LRMDA: variants seen among roughly 807,000 people sequenced by gnomAD.
LRMDA encodes the protein leucine-rich melanocyte differentiation-associated protein.
LRMDA carries 18 observed loss-of-function variants against 29.8 expected under a neutral mutation model. That is an observed-to-expected ratio of 0.60 (90% CI 0.42 to 0.90). The LOEUF (loss-of-function observed/expected upper bound fraction) is 0.90. Ranked by LOEUF, LRMDA falls within the 40% of genes least tolerant of loss-of-function variation. The pLI is 0.00. For synonymous variants in LRMDA, 125 were observed against 109.4 expected (o/e 1.14, Z -0.89); for missense variants, 273 against 273.9 (o/e 1.00, Z 0.02).
At chr10:75,662,749 C>T (rs1253403771) in intron 2 of LRMDA, among the ~76,000 whole-genome samples, 1 of 152,152 alleles carries the variant, frequency 6.6e-6, no homozygotes, top group Admixed American at 6.5e-5. Flanking sequence ...TCTGTCTTGT[C>T]TTTGGTGAGG....
At chr10:75,499,562 A>G (rs1845088539) in intron 2 of LRMDA, among the ~76,000 whole-genome samples, 1 of 152,236 alleles carries the variant, frequency 6.6e-6, no homozygotes, top group South Asian at 2.1e-4. Context: ...AGTGCTTAGC[A>G]TAGTGCCTGG....
At chr10:76,265,204 T>C (rs187636049) in intron 5 of LRMDA, among the ~76,000 whole-genome samples, 8 of 152,282 alleles carry the variant, frequency 5.3e-5, no homozygotes, top group Non-Finnish European at 1.2e-4. Context: ...TCCTCCTCCT[T>C]TAGCTGTTCT....
At chr10:76,396,196 T>G (rs1240547815) in intron 6 of LRMDA, among the ~76,000 whole-genome samples, 1 of 152,126 alleles carries the variant, frequency 6.6e-6, no homozygotes, top group Non-Finnish European at 1.5e-5. Flanking sequence ...AACTAGAAAC[T>G]AGAAACGCTA....
rs539880061 is a variant in LRMDA, at chr10:76,327,699, C to T, written c.601+3214C>T. On this transcript the variant is annotated intron_variant, in intron 6 of 6. Transcript: ENST00000611255. ...AGGGTGAGTATCTTAGTCACCTCTGCGAGGTAACTTGATTGCATGTGAGAA... is the reference window on the plus strand; with the variant it reads ...AGGGTGAGTATCTTAGTCACCTCTGTGAGGTAACTTGATTGCATGTGAGAA... Among the ~76,000 whole-genome samples, 17 of 152,234 alleles carry T rather than the reference C, an allele frequency of 1.1e-4. No individual in the cohort carries two copies. The South Asian group carries it at 3.5e-3, about 32-fold the overall frequency.
intron 5 of LRMDA, among the ~76,000 whole-genome samples, chr10:76,091,941 C>A (rs181848359): frequency 2.6e-5 from 4 of 152,264 alleles, no homozygotes; most frequent in East Asian, 1.9e-4. Flanking sequence ...GGTGCCTTGG[C>A]CTTTCAAAGT....
intron 5 of LRMDA, among the ~76,000 whole-genome samples, chr10:76,315,908 C>A (rs1006478471): frequency 6.6e-6 from 1 of 152,170 alleles, no homozygotes; most frequent in Admixed American, 6.5e-5. Flanking sequence ...ACCCTCCCCA[C>A]TCCAATGACC....
chr10:75,957,540 T>G (rs1846685048), intron 2 of LRMDA, among the ~76,000 whole-genome samples: 1 of 152,216 alleles, frequency 6.6e-6, no homozygotes, highest in Non-Finnish European at 1.5e-5. Flanking sequence ...AACGGGCCTA[T>G]GAGGAACTGA....
chr10:76,510,140 G>T (rs1252201834), intron 6 of LRMDA, among the ~76,000 whole-genome samples: 6 of 151,966 alleles, frequency 3.9e-5, no homozygotes, highest in Non-Finnish European at 8.8e-5. Flanking sequence ...GCACGATCTC[G>T]GCTCACTGCA....
At chr10:76,378,982 G>T (rs140718539) in intron 6 of LRMDA, among the ~76,000 whole-genome samples, 2 of 149,146 alleles carry the variant, frequency 1.3e-5, no homozygotes, top group Admixed American at 6.7e-5. Context: ...TCAGTCTCCC[G>T]GGTAGCTGGT....
intron 5 of LRMDA, among the ~76,000 whole-genome samples, chr10:76,211,358 A>G (rs962984969): frequency 1.6e-4 from 25 of 152,174 alleles, no homozygotes; most frequent in African/African-American, 5.8e-4. Context: ...CTTATTGACT[A>G]GATAATCAAT....
intron 6 of LRMDA, among the ~76,000 whole-genome samples, chr10:76,516,941 A>G (rs1055622198): frequency 2.0e-5 from 3 of 152,212 alleles, no homozygotes; most frequent in African/African-American, 7.2e-5. Flanking sequence ...TAAAACTTTC[A>G]GTATAAAAAT....
At chr10:75,759,630 A>G (rs1589190605) in intron 2 of LRMDA, among the ~76,000 whole-genome samples, 1 of 152,326 alleles carries the variant, frequency 6.6e-6, no homozygotes, top group African/African-American at 2.4e-5. Context: ...GAACATAGCT[A>G]TTACAGTAAT....
intron 6 of LRMDA, among the ~76,000 whole-genome samples, chr10:76,399,714 G>GT (rs1841827891): frequency 1.3e-5 from 2 of 152,142 alleles, no homozygotes; most frequent in Non-Finnish European, 2.9e-5. Flanking sequence ...TGTAGTTCCA[G>GT]TTACTAGAGT....
intron 2 of LRMDA, among the ~76,000 whole-genome samples, chr10:75,598,430 T>G (rs945520889): frequency 6.6e-6 from 1 of 152,142 alleles, no homozygotes; most frequent in Non-Finnish European, 1.5e-5. Flanking sequence ...TACCTCTCTT[T>G]TAAGACAGAA....
At chr10:75,560,080 G>A (rs1840270981) in intron 2 of LRMDA, among the ~76,000 whole-genome samples, 2 of 151,530 alleles carry the variant, frequency 1.3e-5, no homozygotes, top group Non-Finnish European at 2.9e-5. Flanking sequence ...AAAGTCATTG[G>A]TAGCTTTATG....
chr10:75,804,233 A>C (rs1843808362), intron 2 of LRMDA, among the ~76,000 whole-genome samples: 1 of 152,186 alleles, frequency 6.6e-6, no homozygotes, highest in Non-Finnish European at 1.5e-5. Context: ...GAGTTCTCCT[A>C]TTGACATGCC....
chr10:75,674,066 G>A lies in LRMDA; in HGVS notation c.131+235572G>A, dbSNP rs1272598404. ...CAACTGGCTTGTATTCCAGCTTGCT[G>A]TCTTTGAGAAAATATATGGAATGTT... is the stretch of plus-strand genomic sequence containing the variant. On this transcript the variant is annotated intron_variant, in intron 2 of 6. Transcript: ENST00000611255. Among the ~76,000 whole-genome samples the A allele has an allele frequency of 2.0e-5, 3 of 152,186 alleles. No individual in the cohort carries two copies. The East Asian group carries it at 5.8e-4, about 29-fold the overall frequency.
chr10:76,204,369 A>ATCTACCCATCTCTATTCCATGTGCCCG (rs1851496551), intron 5 of LRMDA, among the ~76,000 whole-genome samples: 1 of 150,972 alleles, frequency 6.6e-6, no homozygotes, highest in Non-Finnish European at 1.5e-5. Context: ...CCATGTGCCC[A>ATCTACCCATCTCTATTCCATGTGCCCG]TCTACCCATC....
chr10:76,509,856 G>A (rs74443560), intron 6 of LRMDA, among the ~76,000 whole-genome samples: 3,141 of 152,206 alleles, frequency 0.021, 124 homozygotes, highest in African/African-American at 0.073. Flanking sequence ...TGGGTTGGGG[G>A]AAGGGATTTT....
Sources: allele counts gnomAD v4.1 joint callset (sites outside exome capture counted in the v4.1 genomes callset), GRCh38; gene constraint gnomAD v4.1.1; transcripts MANE v1.5; gene names NCBI Gene and HGNC (gene_info 2026-07-23, HGNC 2026-07-21).